CACNB2: variants seen among roughly 807,000 people sequenced by gnomAD.
CACNB2 encodes the protein calcium voltage-gated channel auxiliary subunit beta 2.
A neutral mutation model predicts 73.3 loss-of-function variants in CACNB2; 42 were observed. The ratio of observed to expected loss-of-function variants is 0.57; its 90% CI spans 0.45 to 0.74. The LOEUF is 0.74. CACNB2 is among the 30% of genes least tolerant of loss of function. CACNB2 has a pLI of 0.00. For synonymous variants in CACNB2, 348 were observed against 310.3 expected, an observed-to-expected ratio of 1.12 and a Z score of -1.28; for missense variants, 940 against 853.0, an observed-to-expected ratio of 1.10 and a Z score of -1.27.
chr10:18,167,969 T>C (rs899551975), intron 2 of CACNB2, among the ~76,000 whole-genome samples: 9 of 152,332 alleles, frequency 5.9e-5, no homozygotes, highest in Admixed American at 2.0e-4. Context: ...TTTGTTGCCT[T>C]GAAACCCCTT....
chr10:18,278,418 C>T (rs886808355), intron 2 of CACNB2, among the ~76,000 whole-genome samples: 2 of 151,878 alleles, frequency 1.3e-5, no homozygotes, highest in Non-Finnish European at 2.9e-5. Context: ...CTTCTGGCGA[C>T]GTAGGCAATT....
chr10:18,506,009 C>T (rs1181344142), intron 5 of CACNB2, among the ~76,000 whole-genome samples: 4 of 152,124 alleles, frequency 2.6e-5, no homozygotes, highest in African/African-American at 9.7e-5. Context: ...ATAGATTGCT[C>T]ATGAAAGCGT....
At chr10:18,386,856 C>T (rs1469141797) in intron 2 of CACNB2, among the ~76,000 whole-genome samples, 1 of 152,148 alleles carries the variant, frequency 6.6e-6, no homozygotes, top group East Asian at 1.9e-4. Flanking sequence ...CAGTGCCCAG[C>T]ACATGGTAGA....
intron 2 of CACNB2, among the ~76,000 whole-genome samples, chr10:18,385,582 G>A (rs1045323370): frequency 4.0e-5 from 6 of 149,278 alleles, no homozygotes; most frequent in Non-Finnish European, 8.9e-5. Context: ...AGCCGAGATC[G>A]TGCCAAGCCG....
chr10:18,300,732 C>A (rs1186626199), intron 2 of CACNB2, among the ~76,000 whole-genome samples: 2 of 152,034 alleles, frequency 1.3e-5, no homozygotes, highest in Non-Finnish European at 2.9e-5. Flanking sequence ...ACCTGTAATC[C>A]CAGCTACTCG....
chr10:18,217,089 T>C (rs1156651632), intron 2 of CACNB2, among the ~76,000 whole-genome samples: 1 of 152,216 alleles, frequency 6.6e-6, no homozygotes, highest in Non-Finnish European at 1.5e-5. Flanking sequence ...TGAGATGCAT[T>C]GGTGAGCAAA....
intron 5 of CACNB2, among the ~76,000 whole-genome samples, chr10:18,504,104 G>A (rs574040096): frequency 1.3e-5 from 2 of 152,312 alleles, no homozygotes; most frequent in South Asian, 4.1e-4. Flanking sequence ...AAAATTGTTT[G>A]AGAAATGTAG....
intron 2 of CACNB2, among the ~76,000 whole-genome samples, chr10:18,390,519 T>G (rs1375016019): frequency 6.6e-6 from 1 of 152,178 alleles, no homozygotes; most frequent in African/African-American, 2.4e-5. Flanking sequence ...GCCAACATGG[T>G]CTTTCTTTGG....
chr10:18,249,153 A>C (rs1470018335), intron 2 of CACNB2, among the ~76,000 whole-genome samples: 1 of 152,122 alleles, frequency 6.6e-6, no homozygotes, highest in African/African-American at 2.4e-5. Context: ...GCAACTCTCT[A>C]AAAAGACCTT....
intron 2 of CACNB2, among the ~76,000 whole-genome samples, chr10:18,317,560 T>C (rs1310468401): frequency 6.6e-6 from 1 of 152,208 alleles, no homozygotes; most frequent in Non-Finnish European, 1.5e-5. Context: ...GCAAAGGACA[T>C]GATTTTATTC....
Position 18,514,012 on chromosome 10 carries a change from T to G in CACNB2, c.671-224T>G, listed in dbSNP as rs560772956. Among the ~76,000 whole-genome samples the G allele has an allele frequency of 5.9e-5, 9 of 152,366 alleles. No individual in the cohort carries two copies. The East Asian group carries it at 9.6e-4, about 16-fold the overall frequency. The stretch of plus-strand genomic sequence containing the variant: ...TCAAGACGTCTAGCATGAAACTGAT[T>G]CATTCAAGCAAACAGATTATAAGTG... On this transcript the variant is annotated intron_variant, in intron 6 of 13. Transcript: ENST00000324631.
At chr10:18,202,951 A>G (rs558009248) in intron 2 of CACNB2, among the ~76,000 whole-genome samples, 2 of 152,324 alleles carry the variant, frequency 1.3e-5, no homozygotes, top group African/African-American at 2.4e-5. Context: ...CTGGATTTTC[A>G]TCACTGGGAA....
chr10:18,369,878 C>T (rs2042506279), intron 2 of CACNB2, among the ~76,000 whole-genome samples: 1 of 152,124 alleles, frequency 6.6e-6, no homozygotes, highest in African/African-American at 2.4e-5. Context: ...TTGCACTCCA[C>T]CCTTGGCAAC....
intron 2 of CACNB2, among the ~76,000 whole-genome samples, chr10:18,395,348 T>A (rs1346891093): frequency 6.6e-6 from 1 of 152,158 alleles, no homozygotes; most frequent in African/African-American, 2.4e-5. Flanking sequence ...CAGACTGTCA[T>A]CTCATTACTC....
chr10:18,523,768 A>G (rs7100884), intron 9 of CACNB2, among the ~76,000 whole-genome samples: 121,909 of 152,242 alleles, frequency 0.8, 48,918 homozygotes, highest in East Asian at 0.98. Flanking sequence ...AGGTGTGTAT[A>G]TACATATGAC....
chr10:18,472,502 G>A (rs1165311193), intron 3 of CACNB2, among the ~76,000 whole-genome samples: 1 of 152,084 alleles, frequency 6.6e-6, no homozygotes, highest in Non-Finnish European at 1.5e-5. Context: ...CTCCCAAAGT[G>A]CTGGGATTAC....
chr10:18,155,897 TTA>T (rs11467545), intron 2 of CACNB2, among the ~76,000 whole-genome samples: 102,191 of 138,958 alleles, frequency 0.74, 37,264 homozygotes, highest in Middle Eastern at 0.85. Flanking sequence ...AGAGAACATA[TTA>T]TATATATATA....
chr10:18,355,506 G>A (rs1378371413), intron 2 of CACNB2, among the ~76,000 whole-genome samples: 1 of 151,988 alleles, frequency 6.6e-6, no homozygotes, highest in African/African-American at 2.4e-5. Flanking sequence ...AATAAATGTG[G>A]CCTTTATTTA....
chr10:18,500,544 T>C (rs1278418337), intron 4 of CACNB2, among the ~76,000 whole-genome samples: 4 of 152,148 alleles, frequency 2.6e-5, no homozygotes, highest in Non-Finnish European at 5.9e-5. Context: ...TCCCTACTCA[T>C]GGTGACAGCA....
Sources: allele counts gnomAD v4.1 joint callset (sites outside exome capture counted in the v4.1 genomes callset), GRCh38; gene constraint gnomAD v4.1.1; transcripts MANE v1.5; gene names NCBI Gene and HGNC (gene_info 2026-07-23, HGNC 2026-07-21).